The following SYT14 variants were observed in gnomAD, a reference collection of about 807,000 sequenced individuals.
SYT14 encodes the protein synaptotagmin 14.
SYT14 carries 32 observed loss-of-function variants against 74.2 expected under a neutral mutation model. The ratio of observed to expected loss-of-function variants is 0.43; its 90% CI spans 0.33 to 0.58. The LOEUF (loss-of-function observed/expected upper bound fraction) is 0.58. Ranked by LOEUF, SYT14 falls within the 20% of genes least tolerant of loss-of-function variation. The probability of loss-of-function intolerance (pLI) is 0.05; values close to 1 mark genes in which losing one functional copy is unlikely to be tolerated. For missense variants in SYT14, 791 were observed against 981.8 expected, an observed-to-expected ratio of 0.81 and a Z score of 2.60; for synonymous variants, 298 against 337.7, an observed-to-expected ratio of 0.88 and a Z score of 1.29.
intron 2 of SYT14, among the ~76,000 whole-genome samples, chr1:209,972,917 C>T (rs867962956): frequency 2.6e-5 from 4 of 152,228 alleles, no homozygotes; most frequent in East Asian, 1.9e-4. Context: ...TTTTCTGCCA[C>T]GATGATGTGT....
intron 5 of SYT14, among the ~76,000 whole-genome samples, chr1:210,033,485 T>G (rs1446251451): frequency 6.6e-6 from 1 of 151,816 alleles, no homozygotes; most frequent in East Asian, 1.9e-4. Context: ...CATTGAAATC[T>G]TTGATGTGTG....
At chr1:210,023,830 C>T (rs960606069) in intron 5 of SYT14, among the ~76,000 whole-genome samples, 2 of 152,100 alleles carry the variant, frequency 1.3e-5, no homozygotes, top group African/African-American at 4.8e-5. Context: ...TATTTCAGTG[C>T]CTGTAACTTG....
chr1:209,981,730 A>G lies in SYT14; in HGVS notation c.-486+28974A>G, dbSNP rs1259646193. Reference sequence around the variant, plus strand: ...ATCAGCCTCTCAAAGTGTTGGGATTATAGATGTGAGCCACTATGCCTGACC... The same window carrying G: ...ATCAGCCTCTCAAAGTGTTGGGATTGTAGATGTGAGCCACTATGCCTGACC... On this transcript the variant is annotated intron_variant, in intron 2 of 9. Coordinates refer to ENST00000637265, the Ensembl canonical transcript of SYT14. Among the ~76,000 whole-genome samples the G allele has an allele frequency of 2.6e-5, 4 of 152,060 alleles. No individual in the cohort carries two copies. In the East Asian group the frequency reaches 7.7e-4, roughly 29 times the overall value.
At chr1:209,985,763 C>T (rs963901771) in intron 2 of SYT14, among the ~76,000 whole-genome samples, 1 of 152,228 alleles carries the variant, frequency 6.6e-6, no homozygotes, top group Admixed American at 6.5e-5. Flanking sequence ...GCAGAGGCTG[C>T]CAAGCTTCCA....
chr1:210,107,982 T>G (rs2082189536), intron 7 of SYT14, among the ~76,000 whole-genome samples: 1 of 152,138 alleles, frequency 6.6e-6, no homozygotes, highest in Non-Finnish European at 1.5e-5. Context: ...CCCTGGTCAG[T>G]TTGGTGGGGA....
intron 5 of SYT14, among the ~76,000 whole-genome samples, chr1:210,042,168 T>C (rs1166818154): frequency 1.3e-5 from 2 of 152,158 alleles, no homozygotes; most frequent in African/African-American, 2.4e-5. Flanking sequence ...TGGACAGGGA[T>C]AGAAACTAGA....
At chr1:209,954,886 A>G (rs12405519) in intron 2 of SYT14, among the ~76,000 whole-genome samples, 7,598 of 151,968 alleles carry the variant, frequency 0.05, 1,026 homozygotes, top group East Asian at 0.41. Context: ...TTCTATTTTT[A>G]GTAGAGATAG....
At chr1:210,131,545 T>TTA (rs573130012) in intron 7 of SYT14, among the ~76,000 whole-genome samples, 56 of 151,432 alleles carry the variant, frequency 3.7e-4, no homozygotes, top group African/African-American at 1.2e-3. Flanking sequence ...TTATCATTAT[T>TTA]TATATATATA....
intron 4 of SYT14, among the ~76,000 whole-genome samples, chr1:210,020,802 A>T (rs755425589): frequency 1.3e-5 from 2 of 152,140 alleles, no homozygotes; most frequent in Non-Finnish European, 2.9e-5. Context: ...TGGGCTTCTT[A>T]TGTGAAAAAA....
At chr1:210,142,110 G>T (rs2082927820) in intron 7 of SYT14, among the ~76,000 whole-genome samples, 2 of 152,156 alleles carry the variant, frequency 1.3e-5, no homozygotes, top group African/African-American at 4.8e-5. Context: ...ACTTTTCACA[G>T]AACTGTGAGA....
chr1:210,070,505 A>G (rs1410944998), intron 5 of SYT14, among the ~76,000 whole-genome samples: 1 of 152,110 alleles, frequency 6.6e-6, no homozygotes, highest in Non-Finnish European at 1.5e-5. Context: ...CATGGGTTCA[A>G]ACTCAGGTTT....
intron 2 of SYT14, among the ~76,000 whole-genome samples, chr1:209,982,192 G>A (rs577432464): frequency 1.3e-5 from 2 of 152,112 alleles, no homozygotes; most frequent in South Asian, 4.1e-4. Context: ...GTCTCACTCT[G>A]TAACCCAAGC....
intron 2 of SYT14, among the ~76,000 whole-genome samples, chr1:210,010,544 A>G (rs2080068238): frequency 6.6e-6 from 1 of 152,166 alleles, no homozygotes; most frequent in South Asian, 2.1e-4. Context: ...CATCTCTTCT[A>G]AAGCGTTTTA....
At chr1:210,031,791 T>C (rs867196330) in intron 5 of SYT14, among the ~76,000 whole-genome samples, 4 of 152,256 alleles carry the variant, frequency 2.6e-5, no homozygotes, top group African/African-American at 9.6e-5. Context: ...TGTTATAGCT[T>C]TTACCTGATT....
At chr1:210,169,120 C>T (rs1490715009) in exon 10 of SYT14, 1 of 150,960 alleles carries the variant, frequency 6.6e-6, no homozygotes, top group African/African-American at 2.4e-5. Flanking sequence ...TAAAATTTCA[C>T]ATGTTGCTGT....
intron 7 of SYT14, among the ~76,000 whole-genome samples, chr1:210,108,048 A>G (rs979136945): frequency 1.3e-5 from 2 of 152,214 alleles, no homozygotes; most frequent in Non-Finnish European, 2.9e-5. Context: ...GGGATGGGAG[A>G]AAACACAGGA....
exon 4 of SYT14, chr1:210,017,098 A>G (rs943589893): frequency 3.2e-6 from 4 of 1,231,322 alleles, no homozygotes; most frequent in South Asian, 8.2e-5. Context: ...TACCAGAAAA[A>G]GGTGAGGTCT....
intron 1 of SYT14, among the ~76,000 whole-genome samples, chr1:209,946,397 G>A (rs2078824158): frequency 6.6e-6 from 1 of 152,344 alleles, no homozygotes; most frequent in African/African-American, 2.4e-5. Flanking sequence ...GCTACCTGCT[G>A]TAGTGAACAC....
chr1:210,047,141 C>T (rs74519796), intron 5 of SYT14, among the ~76,000 whole-genome samples: 4,061 of 151,650 alleles, frequency 0.027, 192 homozygotes, highest in African/African-American at 0.092. Context: ...CCTTTTAAAC[C>T]GGAATTTAAG....
Sources: allele counts gnomAD v4.1 joint callset (sites outside exome capture counted in the v4.1 genomes callset), GRCh38; gene constraint gnomAD v4.1.1; transcripts MANE v1.5; gene names NCBI Gene and HGNC (gene_info 2026-07-23, HGNC 2026-07-21).